The following NBPF8 variants were observed in gnomAD, a reference collection of about 807,000 sequenced individuals.
The protein encoded by NBPF8 is NBPF family member NBPF8.
At position 120,425,713 on chromosome 1, in the gene NBPF8, C is replaced by A. The variant is rs1340198183; in HGVS notation, n.270-34C>A. Among the ~76,000 whole-genome samples the A allele has an allele frequency of 3.3e-3, 500 of 150,084 alleles. 2 individuals carry two copies. Among genetic ancestry groups the A allele is most frequent in the Non-Finnish European group, 4.6e-3 (307 of 67,462 alleles). On this transcript the variant is annotated intron_variant and non_coding_transcript_variant, in intron 1 of 28. Coordinates refer to the NBPF8 transcript ENST00000652355. ...ACGCCCACAGGTGTGGAGGGGCAACCCATCCCTTCACTGAACCATTTTTAT... is the reference window on the plus strand; with the variant it reads ...ACGCCCACAGGTGTGGAGGGGCAACACATCCCTTCACTGAACCATTTTTAT...
chr1:120,430,389 T>C (rs1227150632), intron 3 of NBPF8, among the ~76,000 whole-genome samples: 1 of 132,856 alleles, frequency 7.5e-6, no homozygotes, highest in Admixed American at 7.4e-5. Flanking sequence ...ATATTAGCAA[T>C]GAGCATTTGG....
At chr1:120,453,623 C>T (rs1553249264) in intron 14 of NBPF8, among the ~76,000 whole-genome samples, 179 bp downstream of exon 12, 65 of 151,612 alleles carry the variant, frequency 4.3e-4, no homozygotes, top group African/African-American at 1.0e-3. Flanking sequence ...CTATGTGTGC[C>T]GAGTGTCATG....
chr1:120,421,491 C>T (rs1203511056), intron 1 of NBPF8, among the ~76,000 whole-genome samples: 3 of 147,896 alleles, frequency 2.0e-5, no homozygotes, highest in African/African-American at 5.2e-5. Flanking sequence ...TCTCTCCCTG[C>T]CTTCCTCCCT....
intron 15 of NBPF8, 124 bp downstream of exon 13, chr1:120,454,238 T>C: frequency 6.5e-7 from 1 of 1,546,986 alleles, no homozygotes; most frequent in Non-Finnish European, 8.9e-7. Context: ...TAAACAGATA[T>C]CAGGGAGTTT....
chr1:120,436,048 CT>C (rs1354233865), upstream of NBPF8, among the ~76,000 whole-genome samples: 18 of 152,074 alleles, frequency 1.2e-4, no homozygotes, highest in East Asian at 3.3e-3. Context: ...AGACACGGGT[CT>C]GTGGCATTGT....
upstream of NBPF8, among the ~76,000 whole-genome samples, chr1:120,415,986 C>G (rs1292270550): frequency 1.3e-5 from 2 of 152,184 alleles, no homozygotes; most frequent in Non-Finnish European, 2.9e-5. Context: ...TCTTTTGCTG[C>G]TAGAGCTGCT....
At chr1:120,456,811 GT>G (rs1277024367) in intron 16 of NBPF8, among the ~76,000 whole-genome samples, 1 of 151,714 alleles carries the variant, frequency 6.6e-6, no homozygotes, top group Non-Finnish European at 1.5e-5. Context: ...TCGTTATGAT[GT>G]TAGCTGGTTA....
At chr1:120,468,759 C>T (rs1661820124), downstream of NBPF8, among the ~76,000 whole-genome samples, 1 of 150,890 alleles carries the variant, frequency 6.6e-6, no homozygotes, top group Non-Finnish European at 1.5e-5. Flanking sequence ...CAGGCATGAT[C>T]TATGTTTCTC....
chr1:120,428,717 C>A (rs1178457937), intron 3 of NBPF8, among the ~76,000 whole-genome samples: 6 of 151,334 alleles, frequency 4.0e-5, no homozygotes, highest in Admixed American at 2.0e-4. Context: ...CTTCTATTCT[C>A]TTGCACGTTC....
rs587648761 is a variant in NBPF8, at chr1:120,449,313, C to G, written n.1882C>G. ...AATGAGAAATTGCACCCCCAGCTGG[C>G]AGAGAAGAAACAGCAGTTCAGAAAC... On this transcript the variant is annotated non_coding_transcript_exon_variant, in exon 11 of 25. Transcript: ENST00000583271. The G allele has an allele frequency of 2.5e-6, 4 of 1,611,146 alleles. No individual in the cohort carries two copies. In the African/African-American group the frequency reaches 4.0e-5, roughly 16 times the overall value.
intron 3 of NBPF8, among the ~76,000 whole-genome samples, chr1:120,431,258 TG>T (rs1660865345): frequency 8.0e-6 from 1 of 125,738 alleles, no homozygotes; most frequent in Non-Finnish European, 1.5e-5. Flanking sequence ...CAAACGTGTG[TG>T]TGTGTGTGTG....
At chr1:120,462,467 C>T (rs1387098849) in intron 20 of NBPF8, among the ~76,000 whole-genome samples, 5 of 139,550 alleles carry the variant, frequency 3.6e-5, no homozygotes, top group East Asian at 2.3e-4. Flanking sequence ...AATTATTGAG[C>T]CCACTCTTTT....
intron 20 of NBPF8, among the ~76,000 whole-genome samples, chr1:120,462,453 G>A (rs1278484911): frequency 6.9e-6 from 1 of 144,470 alleles, no homozygotes; most frequent in Non-Finnish European, 1.5e-5. Context: ...GCAAGTTTAT[G>A]GAAAATTATT....
At chr1:120,465,691 C>G (rs1285425388) in intron 24 of NBPF8, among the ~76,000 whole-genome samples, 6 of 149,064 alleles carry the variant, frequency 4.0e-5, no homozygotes, top group African/African-American at 1.5e-4. Context: ...CATGAGGGCA[C>G]TAACTCAGAG....
intron 11 of NBPF8, 55 bp downstream of exon 9, chr1:120,449,457 T>C: frequency 7.8e-7 from 1 of 1,283,998 alleles, no homozygotes; most frequent in East Asian, 2.3e-5. Context: ...CTGTCTTCTC[T>C]CTGAGACACT....
chr1:120,431,405 GAC>G (rs1182956897), upstream of NBPF8, among the ~76,000 whole-genome samples: 20 of 52,218 alleles, frequency 3.8e-4, no homozygotes, highest in East Asian at 2.2e-3. Flanking sequence ...TATATATACA[GAC>G]ACACACACAC....
upstream of NBPF8, among the ~76,000 whole-genome samples, chr1:120,416,274 A>C (rs1660433695): frequency 1.5e-5 from 2 of 137,798 alleles, no homozygotes; most frequent in African/African-American, 5.6e-5. Flanking sequence ...AAATCTTTGA[A>C]AAGTTACTGA....
chr1:120,431,542 G>C (rs1361546889), upstream of NBPF8, among the ~76,000 whole-genome samples: 1 of 151,636 alleles, frequency 6.6e-6, no homozygotes, highest in Non-Finnish European at 1.5e-5. Context: ...ATGCTCCACT[G>C]TTTAGTCATC....
At chr1:120,457,695 G>T (rs1452055355) in intron 16 of NBPF8, among the ~76,000 whole-genome samples, 1 of 64,174 alleles carries the variant, frequency 1.6e-5, no homozygotes, top group South Asian at 4.3e-4. Flanking sequence ...TAACCTGCAC[G>T]TTGTGCACAT....
Sources: gnomAD v4.1 joint callset for allele counts (sites outside exome capture counted in the v4.1 genomes callset) on GRCh38, gnomAD v4.1.1 for gene constraint, MANE v1.5 for transcripts, NCBI Gene and HGNC (gene_info 2026-07-23, HGNC 2026-07-21) for gene names.